CARF: variants seen among roughly 807,000 people sequenced by gnomAD.
CARF encodes calcium-responsive transcription factor.
Under a neutral mutation model 82.0 loss-of-function variants are expected in CARF, and 57 were observed. The observed-to-expected ratio is 0.70, with a 90% CI of 0.56 to 0.87. The LOEUF is 0.87. Among genes scored for constraint, CARF ranks in the 40% least tolerant of loss-of-function variants. The pLI is 0.00. For missense variants in CARF, 771 were observed against 855.8 expected, an observed-to-expected ratio of 0.90 and a Z score of 1.24; for synonymous variants, 268 against 290.1, an observed-to-expected ratio of 0.92 and a Z score of 0.77.
At chr2:202,914,662 C>T (rs553657593) in intron 1 of CARF, among the ~76,000 whole-genome samples, 1 of 151,736 alleles carries the variant, frequency 6.6e-6, no homozygotes, top group Middle Eastern at 3.4e-3. Flanking sequence ...GCCTATAATC[C>T]GAGCTACTGG....
At chr2:202,971,146 G>A (rs978303168) in intron 11 of CARF, among the ~76,000 whole-genome samples, 2 of 151,992 alleles carry the variant, frequency 1.3e-5, no homozygotes, top group African/African-American at 4.8e-5. Context: ...GAGGTAAAAT[G>A]TACTTAATAT....
chr2:202,958,612 T>TA (rs35143478), intron 8 of CARF, among the ~76,000 whole-genome samples: 1 of 151,984 alleles, frequency 6.6e-6, no homozygotes, highest in South Asian at 2.1e-4. Context: ...GTATCAGTGA[T>TA]AAAAAAATTT....
At chr2:202,948,760 G>A (rs1482796838) in intron 5 of CARF, among the ~76,000 whole-genome samples, 2 of 152,092 alleles carry the variant, frequency 1.3e-5, no homozygotes, top group East Asian at 3.9e-4. Context: ...AGAATATGGG[G>A]TTTTCTAAAT....
rs368453471 is a variant in CARF at position 202,981,575 on chromosome 2, A to G, written c.1579A>G (p.Ile527Val). 9 of 1,601,890 alleles carry G rather than the reference A, an allele frequency of 5.6e-6. No individual in the cohort carries two copies. The highest frequency in any genetic ancestry group is 5.4e-5 in the African/African-American group (4 of 74,650). Reference sequence around the variant, plus strand: ...TTTAGGAAATTCACCAGGAGAATCAATTACCACCAAAGTGGAAACAAATCA... The same window carrying G: ...TTTAGGAAATTCACCAGGAGAATCAGTTACCACCAAAGTGGAAACAAATCA... The part of the protein sequence containing the change: ...FAEGNSPGES[I>V]TTKVETNQTR... The change falls in exon 15 of 17, where the codon ATT becomes GTT. Residue 527 changes from isoleucine (I) to valine (V), a missense_variant. Transcript: ENST00000438828.
At chr2:202,976,068 T>C (rs190536811) in intron 13 of CARF, among the ~76,000 whole-genome samples, 2 of 151,500 alleles carry the variant, frequency 1.3e-5, no homozygotes, top group African/African-American at 2.4e-5. Context: ...TATATCCATC[T>C]ATCCATCCAT....
At chr2:202,928,072 C>T (rs1482977193) in intron 3 of CARF, among the ~76,000 whole-genome samples, 6 of 152,124 alleles carry the variant, frequency 3.9e-5, no homozygotes, top group Admixed American at 2.0e-4. Flanking sequence ...CATGAGCAAC[C>T]GCACTCTGTC....
intron 5 of CARF, among the ~76,000 whole-genome samples, chr2:202,943,351 G>C (rs2058325749): frequency 6.6e-6 from 1 of 152,148 alleles, no homozygotes; most frequent in Non-Finnish European, 1.5e-5. Flanking sequence ...TGGGATTACA[G>C]GCGTTAGCCA....
At chr2:202,921,763 A>C (rs1012353346) in intron 2 of CARF, among the ~76,000 whole-genome samples, 3 of 152,198 alleles carry the variant, frequency 2.0e-5, no homozygotes, top group African/African-American at 7.2e-5. Context: ...TAACTTTCTG[A>C]TGTTGCTATA....
intron 3 of CARF, chr2:202,925,308 C>T (rs1691594076): frequency 2.8e-6 from 1 of 352,440 alleles, no homozygotes; most frequent in South Asian, 2.6e-5. Flanking sequence ...TCAACTTCCT[C>T]ATTCAGCTGT....
intron 3 of CARF, among the ~76,000 whole-genome samples, chr2:202,927,051 A>G (rs1691971087): frequency 6.6e-6 from 1 of 152,138 alleles, no homozygotes; most frequent in Non-Finnish European, 1.5e-5. Flanking sequence ...CCTGAGTTCA[A>G]GCAGTGTGCC....
intron 9 of CARF, chr2:202,962,603 T>G (rs1311898800): frequency 6.6e-6 from 1 of 152,234 alleles, no homozygotes; most frequent in African/African-American, 2.4e-5. Flanking sequence ...TACATGAATT[T>G]CATGTGTATC....
Position 202,986,471 on chromosome 2 carries a change from A to G in CARF, c.*2847A>G, listed in dbSNP as rs1463499946. The G allele has an allele frequency of 6.6e-6, 1 of 152,040 alleles. No individual in the cohort carries two copies. The highest frequency in any genetic ancestry group is 1.5e-5 in the Non-Finnish European group (1 of 67,964). The allele number at this position is 152,040 out of a possible 1,614,324, so 9.4% of individuals were successfully genotyped here. A position where few individuals can be genotyped will look rare whatever the true frequency, so the allele number is the denominator to read the frequency against. On this transcript the variant is annotated 3_prime_UTR_variant, in exon 17 of 17. Coordinates refer to ENST00000438828, the MANE Select transcript of CARF (RefSeq NM_024744.17). Reference sequence around the variant, plus strand: ...TTGGACATTCTAAATTAGCAGTAAAAAATTCACAATTACAGCTCAGCTTGT... The same window carrying G: ...TTGGACATTCTAAATTAGCAGTAAAGAATTCACAATTACAGCTCAGCTTGT...
intron 1 of CARF, among the ~76,000 whole-genome samples, chr2:202,914,791 AC>A (rs375524201): frequency 0.28 from 35,157 of 124,126 alleles, 7,660 homozygotes; most frequent in East Asian, 0.59. Flanking sequence ...AAAAAAAAAA[AC>A]AAACAAAAAA....
At chr2:202,960,720 G>GCCTTCCCA (rs927955129) in intron 8 of CARF, among the ~76,000 whole-genome samples, 2 of 131,072 alleles carry the variant, frequency 1.5e-5, no homozygotes, top group Non-Finnish European at 1.8e-5. Context: ...CCGCCTTCCC[G>GCCTTCCCA]CCTTCCCACC....
intron 5 of CARF, among the ~76,000 whole-genome samples, chr2:202,945,471 A>G (rs542594790): frequency 2.0e-5 from 3 of 151,170 alleles, no homozygotes; most frequent in Middle Eastern, 3.4e-3. Flanking sequence ...CCCACCCTCC[A>G]CTCTCAAGTA....
chr2:202,955,814 A>G, intron 8 of CARF, 56 bp downstream of exon 8: 1 of 1,349,130 alleles, frequency 7.4e-7, no homozygotes, highest in Non-Finnish European at 1.0e-6. Context: ...ACCACAGGTC[A>G]TCCCCAAATG....
At chr2:202,943,020 G>T (rs1356878438) in intron 5 of CARF, 53 bp downstream of exon 5, 3 of 1,348,342 alleles carry the variant, frequency 2.2e-6, no homozygotes, top group Non-Finnish European at 3.1e-6. Context: ...AAATGTATTA[G>T]TCTTACTAAA....
intron 3 of CARF, chr2:202,938,537 T>G (rs1451761209): frequency 6.6e-6 from 1 of 151,700 alleles, no homozygotes; most frequent in Non-Finnish European, 1.5e-5. Flanking sequence ...TCCAAAAGTG[T>G]TGGGATTACA....
At chr2:202,977,975 A>G (rs1260053673) in intron 14 of CARF, among the ~76,000 whole-genome samples, 1 of 152,084 alleles carries the variant, frequency 6.6e-6, no homozygotes, top group African/African-American at 2.4e-5. Context: ...CCTCCCGAGT[A>G]GCTGGGATCA....
Sources: allele counts gnomAD v4.1 joint callset (sites outside exome capture counted in the v4.1 genomes callset), GRCh38; gene constraint gnomAD v4.1.1; transcripts MANE v1.5; gene names NCBI Gene and HGNC (gene_info 2026-07-23, HGNC 2026-07-21).